Variants in PLCB2 observed in about 807,000 individuals in gnomAD.
PLCB2 encodes 1-phosphatidylinositol 4,5-bisphosphate phosphodiesterase beta-2.
In PLCB2, 115 loss-of-function variants were observed where a neutral mutation model predicts 141.7. The observed-to-expected ratio is 0.81, with a 90% CI of 0.70 to 0.95. PLCB2 has a LOEUF of 0.95. Among genes scored for constraint, PLCB2 ranks in the 40% least tolerant of loss-of-function variants. The pLI is 0.00. For missense variants in PLCB2, 1,403 were observed against 1,541.1 expected, an observed-to-expected ratio of 0.91 and a Z score of 1.50; for synonymous variants, 603 against 595.6, an observed-to-expected ratio of 1.01 and a Z score of -0.18.
In PLCB2 at chr15:40,291,288, G is replaced by C. The variant is rs1457894497; in HGVS notation, c.2847C>G (p.Pro949=). The change falls in exon 26 of 32, where the codon CCC becomes CCG. Residue 949 remains proline, a synonymous_variant. Coordinates refer to ENST00000260402, the MANE Select transcript of PLCB2 (RefSeq NM_004573.3). The stretch of plus-strand genomic sequence containing the variant: ...ACCTCTTCTTGCGAGAGCCCTTGCC[G>C]GGACCGAGCTTGCAGGCCCCGACGC... ...VGGVGACKLG[P]GKGSRKKRSL... The C allele has an allele frequency of 1.3e-6, 2 of 1,562,662 alleles. No individual in the cohort carries two copies. The highest frequency in any genetic ancestry group is 3.6e-5 in the Admixed American group (2 of 55,456).
At chr15:40,303,757 G>A (rs899036776) in intron 2 of PLCB2, 18 of 521,798 alleles carry the variant, frequency 3.4e-5, no homozygotes, top group South Asian at 4.9e-5. Context: ...CAGTGCTTTC[G>A]CCTGTCTCTC....
At chr15:40,285,119 G>T (rs1445462919), downstream of PLCB2, among the ~76,000 whole-genome samples, 1 of 152,324 alleles carries the variant, frequency 6.6e-6, no homozygotes, top group East Asian at 1.9e-4. Flanking sequence ...CCAGCTCCCA[G>T]GCTCCGGGGA....
At chr15:40,299,859 A>C (rs768457878) in intron 7 of PLCB2, among the ~76,000 whole-genome samples, 9 of 152,254 alleles carry the variant, frequency 5.9e-5, no homozygotes, top group Non-Finnish European at 1.2e-4. Context: ...AACCCAGTTG[A>C]AAGATGGACA....
At chr15:40,292,671 A>T (rs1321938265) in intron 21 of PLCB2, among the ~76,000 whole-genome samples, 3 of 152,184 alleles carry the variant, frequency 2.0e-5, no homozygotes, top group Non-Finnish European at 4.4e-5. Flanking sequence ...ATAAGCCCTT[A>T]GCAAATTTTA....
At chr15:40,293,454 A>AGAG in intron 20 of PLCB2, 106 bp downstream of exon 20, 2 of 1,106,726 alleles carry the variant, frequency 1.8e-6, no homozygotes, top group Non-Finnish European at 2.7e-6. Flanking sequence ...AGGGATGGGA[A>AGAG]GAGGAGGAGG....
chr15:40,295,025 T>C lies in PLCB2; in HGVS notation c.1817A>G (p.Lys606Arg). 1.2e-6 allele frequency: 2 copies of C among 1,613,836 alleles called. No homozygotes were observed. Among genetic ancestry groups the C allele is most frequent in the South Asian group, 1.1e-5 (1 of 91,084 alleles). ...NKRQMSRIYPKGTRMDSSNYM... is the reference protein window; with the variant it reads ...NKRQMSRIYPRGTRMDSSNYM... The stretch of plus-strand genomic sequence containing the variant: ...GTTGGAGGAGTCCATGCGGGTTCCC[T>C]TGGGGTAAATGCGGCTCATCTGGCG... The change falls in exon 18 of 32, where the codon AAG becomes AGG. Residue 606 changes from lysine to arginine, a missense_variant. Transcript: ENST00000260402.
intron 20 of PLCB2, 89 bp from the exon 21 acceptor site, chr15:40,293,114 G>T: frequency 1.3e-6 from 1 of 771,378 alleles, no homozygotes; most frequent in Non-Finnish European, 2.2e-6. Flanking sequence ...CAGCATCAGT[G>T]TGAGAACATG....
At chr15:40,304,957 A>G (rs1332767680) in intron 1 of PLCB2, among the ~76,000 whole-genome samples, 1 of 152,188 alleles carries the variant, frequency 6.6e-6, no homozygotes, top group African/African-American at 2.4e-5. Context: ...AACAGACCAA[A>G]TGCAGCATTT....
downstream of PLCB2, chr15:40,286,148 G>A (rs538946217): frequency 1.2e-5 from 7 of 589,744 alleles, no homozygotes; most frequent in East Asian, 1.4e-4. Flanking sequence ...ACCAACAGCC[G>A]GAATTAGAAG....
chr15:40,284,671 C>A (rs1283250483), downstream of PLCB2: 2 of 413,614 alleles, frequency 4.8e-6, no homozygotes, highest in African/African-American at 2.1e-5. Context: ...GAAACCCCGT[C>A]TCTACTAAAA....
intron 29 of PLCB2, 112 bp from the exon 30 acceptor site, chr15:40,290,194 C>A (rs2039811819): frequency 2.6e-6 from 2 of 761,324 alleles, no homozygotes; most frequent in Non-Finnish European, 4.8e-6. Flanking sequence ...AGGGCAGGAA[C>A]CAGCTGGGGG....
chr15:40,298,026 T>C, intron 11 of PLCB2, 67 bp from the exon 12 acceptor site: 3 of 1,296,270 alleles, frequency 2.3e-6, no homozygotes, highest in Non-Finnish European at 3.3e-6. Flanking sequence ...TGATAGCACT[T>C]TTCCCCCCTG....
intron 11 of PLCB2, 102 bp downstream of exon 11, chr15:40,298,121 C>T (rs1459076816): frequency 7.5e-7 from 1 of 1,334,126 alleles, no homozygotes; most frequent in Non-Finnish European, 1.0e-6. Flanking sequence ...GGCCTTCCAG[C>T]CATTCATCTT....
chr15:40,291,610 A>G lies in PLCB2; in HGVS notation c.2643T>C (p.Ala881=), dbSNP rs780232362. Residue 881 remains alanine (A), a synonymous_variant, in exon 25 of 32, where the codon GCT becomes GCC. Coordinates refer to ENST00000260402, the MANE Select transcript of PLCB2 (RefSeq NM_004573.3). ...ACCGGGCTCAGCAGGCCTTACCCGC[A>G]GCTTCTTTCATAGCCTCTTCCCTGG... ...AGAREEAMKE[A]AEPRTASLEE... The G allele has an allele frequency of 1.2e-6, 2 of 1,612,690 alleles. No homozygotes were observed. The highest frequency in any genetic ancestry group is 2.7e-5 in the African/African-American group (2 of 74,678).
rs756217846 is a variant in PLCB2 at position 40,298,177 on chromosome 15, C to A, written c.1155+46G>T. 6 of 1,523,380 alleles carry A rather than the reference C, an allele frequency of 3.9e-6. No individual in the cohort carries two copies. The East Asian group carries it at 1.1e-4, about 29-fold the overall frequency. The allele number at this position is 1,523,380 out of a possible 1,614,324, so 94.4% of individuals were successfully genotyped here. A position where few individuals can be genotyped will look rare whatever the true frequency, so the allele number is the denominator to read the frequency against. Reference sequence around the variant, plus strand: ...CCCCTCAAAGCTTCTGGCCCAGAGCCCTTCCCTACTGCCACGGCCACCAGC... The same window carrying A: ...CCCCTCAAAGCTTCTGGCCCAGAGCACTTCCCTACTGCCACGGCCACCAGC... On this transcript the variant is annotated intron_variant, in intron 11 of 31. Transcript: ENST00000260402.
chr15:40,306,381 G>A (rs935919945), intron 1 of PLCB2, among the ~76,000 whole-genome samples: 6 of 152,154 alleles, frequency 3.9e-5, no homozygotes, highest in Non-Finnish European at 8.8e-5. Flanking sequence ...TTAGGAAGAA[G>A]GACAGTCTCC....
At chr15:40,295,499 G>A (rs2040160217) in intron 16 of PLCB2, among the ~76,000 whole-genome samples, 1 of 149,152 alleles carries the variant, frequency 6.7e-6, no homozygotes, top group Non-Finnish European at 1.5e-5. Context: ...GTATGCACAG[G>A]GGTGGGGTGT....
chr15:40,293,088 C>G, intron 20 of PLCB2, 63 bp from the exon 21 acceptor site: 1 of 1,029,364 alleles, frequency 9.7e-7, no homozygotes, highest in Non-Finnish European at 1.5e-6. Context: ...GACCCCCTCC[C>G]TGGCTCCAGA....
In PLCB2 at chr15:40,293,417, A is replaced by G; in HGVS notation, c.2226+143T>C. The stretch of plus-strand genomic sequence containing the variant: ...AAACTTCTGTAAACTTGGGTTTTGC[A>G]CTCTTGAAACAGGAGGGCCCAGGGT... On this transcript the variant is annotated intron_variant, in intron 20 of 31. Transcript: ENST00000260402. The G allele has an allele frequency of 6.1e-6, 5 of 815,160 alleles. No homozygotes were observed. The South Asian group carries it at 6.9e-5, about 11-fold the overall frequency. 50.5% of individuals were successfully genotyped at this position (815,160 alleles called of 1,614,324 possible).
Sources: gnomAD v4.1 joint callset for allele counts (sites outside exome capture counted in the v4.1 genomes callset) on GRCh38, gnomAD v4.1.1 for gene constraint, MANE v1.5 for transcripts, NCBI Gene and HGNC (gene_info 2026-07-23, HGNC 2026-07-21) for gene names.